Variants in SRBD1 observed in about 807,000 individuals in gnomAD.
The protein encoded by SRBD1 is S1 RNA binding domain 1.
SRBD1 carries 88 observed loss-of-function variants against 115.3 expected under a neutral mutation model. The ratio of observed to expected loss-of-function variants is 0.76; its 90% CI spans 0.64 to 0.91. The LOEUF (loss-of-function observed/expected upper bound fraction) is 0.91, where lower values mean the gene tolerates loss of function less well. Among genes scored for constraint, SRBD1 ranks in the 40% least tolerant of loss-of-function variants. The pLI is 0.00. For synonymous variants in SRBD1, 509 were observed against 407.7 expected (o/e 1.25, Z -2.99); for missense variants, 1,385 against 1,177.4 (o/e 1.18, Z -2.58).
At chr2:45,471,548 G>T (rs2103803738) in intron 16 of SRBD1, among the ~76,000 whole-genome samples, 1 of 152,226 alleles carries the variant, frequency 6.6e-6, no homozygotes, top group East Asian at 1.9e-4. Context: ...AGAACTAAAA[G>T]AAATGCATTT....
intron 18 of SRBD1, among the ~76,000 whole-genome samples, chr2:45,414,417 T>G (rs936384202): frequency 1.4e-5 from 2 of 147,130 alleles, no homozygotes; most frequent in East Asian, 3.9e-4. Context: ...TATGTGTATA[T>G]ACACATATAT....
At chr2:45,409,879 A>G (rs184710568) in intron 19 of SRBD1, among the ~76,000 whole-genome samples, 32 of 152,304 alleles carry the variant, frequency 2.1e-4, no homozygotes, top group Middle Eastern at 6.8e-3. Flanking sequence ...ATGCTGACAT[A>G]ATAAGTTCAT....
chr2:45,581,894 G>A (rs774648012), intron 5 of SRBD1, 84 bp from the exon 6 acceptor site: 6 of 1,091,936 alleles, frequency 5.5e-6, no homozygotes, highest in Non-Finnish European at 8.2e-6. Context: ...CAGAAAAGTT[G>A]CAGGTAAAGT....
At chr2:45,440,331 T>G (rs1184183048) in intron 16 of SRBD1, among the ~76,000 whole-genome samples, 1 of 152,174 alleles carries the variant, frequency 6.6e-6, no homozygotes, top group Non-Finnish European at 1.5e-5. Flanking sequence ...TGTTCTTATG[T>G]CCCCTAGTGG....
chr2:45,510,491 G>A (rs1670934044), intron 14 of SRBD1, among the ~76,000 whole-genome samples: 1 of 152,090 alleles, frequency 6.6e-6, no homozygotes, highest in Admixed American at 6.6e-5. Context: ...TTTCCACTGT[G>A]TTAGACTATT....
At chr2:45,548,717 C>CAA (rs60205757) in intron 12 of SRBD1, among the ~76,000 whole-genome samples, 16,609 of 139,734 alleles carry the variant, frequency 0.12, 1,078 homozygotes, top group East Asian at 0.23. Context: ...TGAACAGATG[C>CAA]AAAAAAAAAA....
chr2:45,520,041 A>C (rs578224909), intron 14 of SRBD1, among the ~76,000 whole-genome samples: 2 of 152,324 alleles, frequency 1.3e-5, no homozygotes, highest in South Asian at 2.1e-4. Flanking sequence ...TCCTTAGAAA[A>C]AATACATTTA....
chr2:45,508,921 G>GA, intron 14 of SRBD1, among the ~76,000 whole-genome samples: 1 of 152,074 alleles, frequency 6.6e-6, no homozygotes, highest in East Asian at 1.9e-4. Flanking sequence ...AATGAGAGAA[G>GA]AAAAAAGGAA....
At chr2:45,530,171 T>C (rs1330659899) in intron 14 of SRBD1, among the ~76,000 whole-genome samples, 1 of 151,972 alleles carries the variant, frequency 6.6e-6, no homozygotes, top group Non-Finnish European at 1.5e-5. Flanking sequence ...ATGGACTAAT[T>C]GAGTAAACAG....
At chr2:45,507,755 A>G (rs1670840700) in intron 14 of SRBD1, among the ~76,000 whole-genome samples, 1 of 151,930 alleles carries the variant, frequency 6.6e-6, no homozygotes, top group Non-Finnish European at 1.5e-5. Flanking sequence ...ACAAAATAAT[A>G]ATAATAATAA....
At chr2:45,560,853 G>A (rs536249387) in intron 10 of SRBD1, among the ~76,000 whole-genome samples, 3 of 151,806 alleles carry the variant, frequency 2.0e-5, no homozygotes, top group African/African-American at 7.2e-5. Context: ...CGCCTGTCAC[G>A]CCAGCATTTT....
chr2:45,472,324 C>T (rs974345437), intron 16 of SRBD1, among the ~76,000 whole-genome samples: 4 of 152,090 alleles, frequency 2.6e-5, no homozygotes, highest in Non-Finnish European at 2.9e-5. Context: ...GAAAGGACAA[C>T]GGAGAATGAC....
chr2:45,392,067 T>C (rs1485917562), intron 20 of SRBD1, among the ~76,000 whole-genome samples: 3 of 152,162 alleles, frequency 2.0e-5, no homozygotes, highest in Admixed American at 6.5e-5. Context: ...AGGAGGCTTC[T>C]ACTCCCACAT....
intron 18 of SRBD1, among the ~76,000 whole-genome samples, chr2:45,414,778 A>ACACACACATAGTGTGTATATAGTATGTG (rs1311512772): frequency 9.5e-5 from 6 of 63,482 alleles, no homozygotes; most frequent in Admixed American, 1.7e-4. Flanking sequence ...TAGTATGTAC[A>ACACACACATAGTGTGTATATAGTATGTG]CACACACATA....
chr2:45,494,471 A>G (rs188890550), intron 14 of SRBD1, among the ~76,000 whole-genome samples: 376 of 152,296 alleles, frequency 2.5e-3, no homozygotes, highest in Non-Finnish European at 4.2e-3. Flanking sequence ...ATCTCAAGCA[A>G]TGACATTTTA....
chr2:45,451,759 T>C lies in SRBD1; in HGVS notation c.2049+25234A>G, dbSNP rs1380321165. 2.0e-5 allele frequency among the ~76,000 whole-genome samples: 3 copies of C among 151,846 alleles called. No individual in the cohort carries two copies. The East Asian group carries it at 5.8e-4, about 29-fold the overall frequency. On this transcript the variant is annotated intron_variant, in intron 16 of 20. Coordinates refer to ENST00000263736, the MANE Select transcript of SRBD1 (RefSeq NM_018079.5). Reference sequence around the variant, plus strand: ...CATTTGCTGGCAGCAACGAAGAGACTTTAAGTTCATGTAAATGATGGCTCC... The same window carrying C: ...CATTTGCTGGCAGCAACGAAGAGACCTTAAGTTCATGTAAATGATGGCTCC...
In SRBD1 at chr2:45,581,784, G is replaced by C. The variant is rs144700145; in HGVS notation, c.842C>G (p.Thr281Arg). Residue 281 changes from threonine to arginine, a missense_variant, in exon 6 of 21, where the codon ACA (threonine) becomes AGA (arginine). Physicochemically the swap from Thr to Arg is moderately conservative, Grantham distance 71. Coordinates refer to ENST00000263736, the MANE Select transcript of SRBD1 (RefSeq NM_018079.5). ...LRAVAKKVHSTIQKIKKEGKM... is the reference protein window; with the variant it reads ...LRAVAKKVHSRIQKIKKEGKM... ...CCCTTCCTTCTTAATTTTCTGGATTGTACTATGAACTTTCTTTGCAACAGC... is the reference window on the plus strand; with the variant it reads ...CCCTTCCTTCTTAATTTTCTGGATTCTACTATGAACTTTCTTTGCAACAGC... The C allele has an allele frequency of 6.2e-7, 1 of 1,613,206 alleles. No homozygotes were observed.
chr2:45,592,341 T>A (rs955460075), intron 4 of SRBD1, among the ~76,000 whole-genome samples: 93 of 152,050 alleles, frequency 6.1e-4, no homozygotes, highest in Non-Finnish European at 1.0e-4. Flanking sequence ...ACACACCATG[T>A]ACTCACCTCC....
At chr2:45,587,835 G>C (rs970569138) in intron 4 of SRBD1, among the ~76,000 whole-genome samples, 3 of 152,006 alleles carry the variant, frequency 2.0e-5, no homozygotes, top group Non-Finnish European at 4.4e-5. Context: ...ACATTCTCTT[G>C]GAAATCTAAT....
Sources: allele counts gnomAD v4.1 joint callset (sites outside exome capture counted in the v4.1 genomes callset), GRCh38; gene constraint gnomAD v4.1.1; transcripts MANE v1.5; gene names NCBI Gene and HGNC (gene_info 2026-07-23, HGNC 2026-07-21).